Variants in PAG1 observed in about 807,000 individuals in gnomAD.
PAG1 encodes phosphoprotein membrane anchor with glycosphingolipid microdomains 1, also known as phosphoprotein associated with glycosphingolipid-enriched microdomains 1.
In PAG1, 23 loss-of-function variants were observed where a neutral mutation model predicts 31.7. The ratio of observed to expected loss-of-function variants is 0.73; its 90% CI spans 0.52 to 1.03. The LOEUF (loss-of-function observed/expected upper bound fraction) is 1.03. PAG1 is among the 50% of genes least tolerant of loss of function. The probability of loss-of-function intolerance (pLI) is 0.00; values close to 1 mark genes in which losing one functional copy is unlikely to be tolerated. For synonymous variants in PAG1, 214 were observed against 210.3 expected (o/e 1.02, Z -0.15); for missense variants, 473 against 540.7 (o/e 0.87, Z 1.24).
At chr8:80,993,342 T>A (rs1168657230) in intron 3 of PAG1, 35 bp from the exon 4 acceptor site, 1 of 1,085,400 alleles carries the variant, frequency 9.2e-7, no homozygotes, top group East Asian at 2.6e-5. Context: ...AGAGTAATTC[T>A]CGGGTAAAGT....
chr8:81,073,576 A>T (rs1290900804), intron 1 of PAG1, among the ~76,000 whole-genome samples: 1 of 152,124 alleles, frequency 6.6e-6, no homozygotes, highest in African/African-American at 2.4e-5. Context: ...AGTTCTTCCT[A>T]GTTGGCTTTT....
intron 2 of PAG1, among the ~76,000 whole-genome samples, chr8:81,052,052 C>T (rs1808741502): frequency 6.6e-6 from 1 of 151,686 alleles, no homozygotes; most frequent in African/African-American, 2.4e-5. Flanking sequence ...ATGGCGTGAA[C>T]CCGGGAGGCG....
At chr8:80,981,705 C>A (rs1412358704) in intron 7 of PAG1, among the ~76,000 whole-genome samples, 7 of 152,124 alleles carry the variant, frequency 4.6e-5, no homozygotes, top group Middle Eastern at 3.2e-3. Context: ...CACACTAGAC[C>A]CTGTCTCCAC....
chr8:81,087,830 G>T (rs954630773), intron 1 of PAG1, among the ~76,000 whole-genome samples: 20 of 152,142 alleles, frequency 1.3e-4, no homozygotes, highest in African/African-American at 3.9e-4. Flanking sequence ...CCTGCGCTGG[G>T]GCCAGAGACC....
rs1807197620 is a variant in PAG1, at chr8:80,976,926, T to C, written c.937-20A>G. On this transcript the variant is annotated intron_variant, in intron 8 of 8. Transcript: ENST00000220597. ...TGAGATCTAGGAGACAAAGGGAGAG[T>C]TGAATAAACTTCCAGCTGTGACTTC... The C allele has an allele frequency of 6.4e-7, 1 of 1,573,732 alleles. No homozygotes were observed. Among genetic ancestry groups the C allele is most frequent in the African/African-American group, 1.4e-5 (1 of 73,180 alleles).
chr8:80,976,441 TA>T lies in PAG1; in HGVS notation c.*102del. ...GCCTCTCCAACCATCTTCAGGTGAC[TA>T]AAGCAGCATATGAAGTATAGGTTTG... On this transcript the variant is annotated 3_prime_UTR_variant, in exon 9 of 9. Coordinates refer to ENST00000220597, the MANE Select transcript of PAG1 (RefSeq NM_018440.4). 2 of 1,196,110 alleles carry T rather than the reference TA, an allele frequency of 1.7e-6. No individual in the cohort carries two copies. 74.1% of individuals were successfully genotyped at this position (1,196,110 alleles called of 1,614,324 possible).
chr8:80,992,144 C>T (rs1480225473), intron 4 of PAG1, among the ~76,000 whole-genome samples: 1 of 102,590 alleles, frequency 9.7e-6, no homozygotes, highest in Non-Finnish European at 1.7e-5. Context: ...TGAGTAACTA[C>T]AGAAGCAGGC....
At chr8:81,085,367 G>C (rs1006036697) in intron 1 of PAG1, among the ~76,000 whole-genome samples, 1 of 152,104 alleles carries the variant, frequency 6.6e-6, no homozygotes, top group Non-Finnish European at 1.5e-5. Context: ...CCAGCAAAAA[G>C]CACCCTAGAA....
chr8:81,058,072 G>A (rs1808857073), intron 2 of PAG1, among the ~76,000 whole-genome samples: 1 of 152,186 alleles, frequency 6.6e-6, no homozygotes, highest in South Asian at 2.1e-4. Flanking sequence ...ACTTTTTGCA[G>A]AGGAAGGGAG....
chr8:80,985,065 AG>A lies in PAG1; in HGVS notation c.586del (p.Leu196TrpfsTer47). 2 of 1,614,008 alleles carry A rather than the reference AG, an allele frequency of 1.2e-6. No individual in the cohort carries two copies. The highest frequency in any genetic ancestry group is 1.7e-6 in the Non-Finnish European group (2 of 1,180,000). On this transcript the variant is annotated frameshift_variant, in exon 7 of 9. Transcript: ENST00000220597. LOFTEE classifies it high-confidence loss of function. ...TGCCTTGCCACTGTGGCCTTTCTCC[AG>A]GTGTGCAGCTGCAGCCACCTCCTTG... is the stretch of plus-strand genomic sequence containing the variant. ...EIKEVAAAAHLEKGHSGKAKS... is the reference protein window; with the variant it reads ...EIKEVAAAAHXEKGHSGKAKS...
chr8:81,025,193 A>T (rs1808254341), intron 3 of PAG1, among the ~76,000 whole-genome samples: 1 of 152,044 alleles, frequency 6.6e-6, no homozygotes, highest in Non-Finnish European at 1.5e-5. Flanking sequence ...CACTGACCAA[A>T]TGATGTTGAC....
chr8:80,995,283 C>T (rs1384805676), intron 3 of PAG1, among the ~76,000 whole-genome samples: 1 of 152,224 alleles, frequency 6.6e-6, no homozygotes, highest in East Asian at 1.9e-4. Flanking sequence ...AAATGCAGGA[C>T]TCCCTGCGTA....
At position 81,111,647 on chromosome 8, in the gene PAG1, CA is replaced by C. The variant is rs1356840487; in HGVS notation, c.-291del. 1 of 151,904 alleles carries C rather than the reference CA, an allele frequency of 6.6e-6. No individual in the cohort carries two copies. Among genetic ancestry groups the C allele is most frequent in the Non-Finnish European group, 1.5e-5 (1 of 68,142 alleles). 9.4% of individuals were successfully genotyped at this position (151,904 alleles called of 1,614,324 possible). On this transcript the variant is annotated 5_prime_UTR_variant, in exon 1 of 9. Transcript: ENST00000220597. ...GGACGGCGCTCGGAGGCAGCCTCTGCAAACTCCGGCGCGCAGCGCCGCCGCC... is the reference window on the plus strand; with the variant it reads ...GGACGGCGCTCGGAGGCAGCCTCTGCAACTCCGGCGCGCAGCGCCGCCGCC...
chr8:81,052,918 A>C (rs1808756147), intron 2 of PAG1, among the ~76,000 whole-genome samples: 1 of 152,254 alleles, frequency 6.6e-6, no homozygotes, highest in African/African-American at 2.4e-5. Context: ...TGGATAGAAC[A>C]AATGCCAAGA....
chr8:81,033,630 G>A (rs1808415801), intron 2 of PAG1, among the ~76,000 whole-genome samples: 1 of 152,302 alleles, frequency 6.6e-6, no homozygotes, highest in African/African-American at 2.4e-5. Context: ...CTGGCTCTCT[G>A]ACAGTTTTCA....
Position 80,984,832 on chromosome 8 carries a change from TCTC to T in PAG1, c.817_819del (p.Glu273del), listed in dbSNP as rs1478363031. The T allele has an allele frequency of 6.2e-7, 1 of 1,614,094 alleles. No homozygotes were observed. Among genetic ancestry groups the T allele is most frequent in the South Asian group, 1.1e-5 (1 of 91,086 alleles). The stretch of plus-strand genomic sequence containing the variant: ...CTCTCTTCCGCCTCTCCCCCTTCCT[TCTC>T]CTGAAGGTTTTCATTCTCGTCCAGA... On this transcript the variant is annotated inframe_deletion, in exon 7 of 9. Coordinates refer to ENST00000220597, the MANE Select transcript of PAG1 (RefSeq NM_018440.4).
At chr8:80,984,695 T>A in intron 7 of PAG1, 81 bp downstream of exon 7, 1 of 1,333,344 alleles carries the variant, frequency 7.5e-7, no homozygotes, top group South Asian at 1.4e-5. Context: ...TGCAGATATT[T>A]CCCAGAACAA....
chr8:81,068,918 C>T (rs1645475253), intron 2 of PAG1, among the ~76,000 whole-genome samples: 1 of 152,176 alleles, frequency 6.6e-6, no homozygotes, highest in Admixed American at 6.5e-5. Context: ...CTCTACATTT[C>T]AGGCCATAAT....
chr8:81,088,703 AAACT>A (rs1451796642), intron 1 of PAG1, among the ~76,000 whole-genome samples: 1 of 152,242 alleles, frequency 6.6e-6, no homozygotes, highest in Non-Finnish European at 1.5e-5. Context: ...ACAGACAAGC[AAACT>A]AACCCCACCA....
Sources: gnomAD v4.1 joint callset for allele counts (sites outside exome capture counted in the v4.1 genomes callset) on GRCh38, gnomAD v4.1.1 for gene constraint, MANE v1.5 for transcripts, NCBI Gene and HGNC (gene_info 2026-07-23, HGNC 2026-07-21) for gene names.